ARPP21: variants seen among roughly 807,000 people sequenced by gnomAD.
The protein encoded by ARPP21 is cAMP-regulated phosphoprotein 21.
A neutral mutation model predicts 113.2 loss-of-function variants in ARPP21; 69 were observed. The observed-to-expected ratio is 0.61, with a 90% CI of 0.50 to 0.74. The LOEUF is 0.74. Among genes scored for constraint, ARPP21 ranks in the 30% least tolerant of loss-of-function variants. The pLI is 0.00. For missense variants in ARPP21, 1,070 were observed against 1,037.4 expected, an observed-to-expected ratio of 1.03 and a Z score of -0.43; for synonymous variants, 368 against 375.5, an observed-to-expected ratio of 0.98 and a Z score of 0.23.
intron 19 of ARPP21, among the ~76,000 whole-genome samples, chr3:35,765,626 A>G (rs1376997614): frequency 6.6e-6 from 1 of 152,198 alleles, no homozygotes. Context: ...ATGAAGACAG[A>G]GTGCTTTCAA....
intron 19 of ARPP21, among the ~76,000 whole-genome samples, chr3:35,746,734 T>C (rs537036688): frequency 1.2e-4 from 19 of 152,352 alleles, no homozygotes; most frequent in Non-Finnish European, 2.1e-4. Flanking sequence ...AATCTGAATT[T>C]GCTTCTTGGC....
At chr3:35,715,701 T>G (rs1224283155) in intron 12 of ARPP21, 9 of 347,468 alleles carry the variant, frequency 2.6e-5, no homozygotes, top group Non-Finnish European at 1.1e-5. Flanking sequence ...ATTGTAAAAC[T>G]TTTTCTTATT....
chr3:35,671,004 T>G (rs1237368903), intron 1 of ARPP21, among the ~76,000 whole-genome samples: 1 of 152,236 alleles, frequency 6.6e-6, no homozygotes, highest in Non-Finnish European at 1.5e-5. Flanking sequence ...CCTTGACAGC[T>G]TAGAAATAAA....
chr3:35,659,818 T>C (rs1482533581), intron 1 of ARPP21, among the ~76,000 whole-genome samples: 2 of 152,226 alleles, frequency 1.3e-5, no homozygotes, highest in Non-Finnish European at 2.9e-5. Context: ...TGGTGTGTTG[T>C]TCTGACTGAT....
chr3:35,763,743 C>T (rs1402699665), intron 19 of ARPP21, among the ~76,000 whole-genome samples: 2 of 152,104 alleles, frequency 1.3e-5, no homozygotes, highest in East Asian at 1.9e-4. Context: ...TCCTACAGTA[C>T]CAGTATAGAA....
chr3:35,647,611 T>C (rs1398141990), intron 1 of ARPP21, among the ~76,000 whole-genome samples: 4 of 152,164 alleles, frequency 2.6e-5, no homozygotes, highest in Non-Finnish European at 4.4e-5. Context: ...CTAAAAGTGG[T>C]GTATCTGAAT....
Position 35,695,942 on chromosome 3 carries a change from CA to C in ARPP21, c.686+4938del, listed in dbSNP as rs577051189. ...CTAAAGTCATACTGCTGCACAGTGGCAGCAGGATGCTAATTCAGGATATTTG... is the reference window on the plus strand; with the variant it reads ...CTAAAGTCATACTGCTGCACAGTGGCGCAGGATGCTAATTCAGGATATTTG... On this transcript the variant is annotated intron_variant, in intron 9 of 20. Transcript: ENST00000684406. 4.2e-4 allele frequency among the ~76,000 whole-genome samples: 64 copies of C among 151,658 alleles called. 1 individual carries two copies. The East Asian group carries it at 0.011, about 27-fold the overall frequency.
At chr3:35,675,330 C>G (rs2077215902) in intron 1 of ARPP21, among the ~76,000 whole-genome samples, 1 of 151,782 alleles carries the variant, frequency 6.6e-6, no homozygotes, top group Non-Finnish European at 1.5e-5. Flanking sequence ...GTCACACACT[C>G]AAACTGAAAC....
At chr3:35,664,896 T>C (rs1194649314) in intron 1 of ARPP21, among the ~76,000 whole-genome samples, 1 of 152,166 alleles carries the variant, frequency 6.6e-6, no homozygotes, top group African/African-American at 2.4e-5. Flanking sequence ...AGGGAGGGGC[T>C]TCAGAGGAGT....
chr3:35,682,818 A>C (rs780738296), intron 3 of ARPP21, 30 bp from the exon 4 acceptor site: 4 of 1,584,584 alleles, frequency 2.5e-6, no homozygotes, highest in Non-Finnish European at 2.6e-6. Flanking sequence ...GTTTTATTTT[A>C]TTTTGTTTTA....
chr3:35,695,833 G>A (rs1324577305), intron 9 of ARPP21, among the ~76,000 whole-genome samples: 2 of 151,472 alleles, frequency 1.3e-5, no homozygotes, highest in Admixed American at 6.6e-5. Context: ...GGTTTTCAGA[G>A]CCACCTAATG....
intron 6 of ARPP21, 41 bp from the exon 7 acceptor site, chr3:35,689,266 C>T (rs2081539005): frequency 1.1e-6 from 1 of 921,622 alleles, no homozygotes; most frequent in East Asian, 2.4e-5. Flanking sequence ...CCCACCTTTC[C>T]ACCATCATTC....
chr3:35,722,955 T>A (rs2150336231), intron 14 of ARPP21, among the ~76,000 whole-genome samples: 1 of 152,338 alleles, frequency 6.6e-6, no homozygotes, highest in East Asian at 1.9e-4. Flanking sequence ...GTGATTTTAG[T>A]ATGTAATTGT....
At chr3:35,691,483 A>G (rs995511407) in intron 9 of ARPP21, among the ~76,000 whole-genome samples, 4 of 151,600 alleles carry the variant, frequency 2.6e-5, no homozygotes, top group South Asian at 4.1e-4. Flanking sequence ...CTAAAACCCA[A>G]TTCTACTTAC....
At chr3:35,689,024 T>C (rs910450772) in intron 6 of ARPP21, among the ~76,000 whole-genome samples, 9 of 151,466 alleles carry the variant, frequency 5.9e-5, no homozygotes, top group African/African-American at 1.9e-4. Context: ...ACACGTGATA[T>C]TTGACTCCAC....
chr3:35,689,413 T>A (rs760999276), intron 7 of ARPP21, 28 bp downstream of exon 7: 1 of 1,076,388 alleles, frequency 9.3e-7, no homozygotes, highest in South Asian at 1.3e-5. Context: ...CCTCTTATTT[T>A]TAGAAGGATC....
Position 35,721,605 on chromosome 3 carries a change from G to C in ARPP21, c.996G>C (p.Arg332=), listed in dbSNP as rs769114730. The change falls in exon 14 of 21, where the codon CGG becomes CGC. Residue 332 remains arginine, a splice_region_variant and synonymous_variant. Transcript: ENST00000684406. ...NETYKKRQLF[R]GNRDGSGRTS... ...CATCTTTCTGGTGGTCGTACTCCAG[G>C]GGCAACAGAGATGGCTCAGGGAGAA... 1 of 1,587,530 alleles carries C rather than the reference G, an allele frequency of 6.3e-7. No homozygotes were observed. The highest frequency in any genetic ancestry group is 1.7e-5 in the Admixed American group (1 of 59,856).
intron 4 of ARPP21, 82 bp downstream of exon 4, chr3:35,682,971 G>T: frequency 7.6e-7 from 1 of 1,323,044 alleles, no homozygotes; most frequent in Admixed American, 2.1e-5. Context: ...GGATTTGCCA[G>T]CATTTCAGAT....
chr3:35,765,712 A>G (rs2095946837), intron 19 of ARPP21, among the ~76,000 whole-genome samples: 1 of 152,170 alleles, frequency 6.6e-6, no homozygotes, highest in Non-Finnish European at 1.5e-5. Flanking sequence ...GAAAAGACAA[A>G]AATAAGTCTT....
Sources: gnomAD v4.1 joint callset for allele counts (sites outside exome capture counted in the v4.1 genomes callset) on GRCh38, gnomAD v4.1.1 for gene constraint, MANE v1.5 for transcripts, NCBI Gene and HGNC (gene_info 2026-07-23, HGNC 2026-07-21) for gene names.